Variants in CD2AP observed in about 807,000 individuals in gnomAD.
The protein encoded by CD2AP is CD2-associated protein.
In CD2AP, 46 loss-of-function variants were observed where a neutral mutation model predicts 85.1. The observed-to-expected ratio is 0.54, with a 90% CI of 0.43 to 0.69. The LOEUF (loss-of-function observed/expected upper bound fraction) is 0.69, where lower values mean the gene tolerates loss of function less well. Among genes scored for constraint, CD2AP ranks in the 30% least tolerant of loss-of-function variants. The pLI, the probability that CD2AP is intolerant of heterozygous loss-of-function variation, is 0.00. For synonymous variants in CD2AP, 255 were observed against 252.9 expected, an observed-to-expected ratio of 1.01 and a Z score of -0.08; for missense variants, 769 against 729.5, an observed-to-expected ratio of 1.05 and a Z score of -0.62.
intron 17 of CD2AP, among the ~76,000 whole-genome samples, chr6:47,622,730 G>C (rs1404492960): frequency 2.0e-5 from 3 of 152,186 alleles, no homozygotes; most frequent in Admixed American, 6.5e-5. Flanking sequence ...GCTTTCTTCA[G>C]AGGGTCTGTC....
chr6:47,609,129 G>C lies in CD2AP; in HGVS notation c.1639G>C (p.Val547Leu), dbSNP rs757930895. The change falls in exon 16 of 18, where the codon GTG becomes CTG. Residue 547 changes from valine (V) to leucine (L), a missense_variant. By Grantham distance (32) the Val-to-Leu change is conservative. Transcript: ENST00000359314. Reference sequence around the variant, plus strand: ...TTTTTTTTTACGTTTTCAGCCATCTGTGTACCTTTCAACACCTTCCAGTGC... The same window carrying C: ...TTTTTTTTTACGTTTTCAGCCATCTCTGTACCTTTCAACACCTTCCAGTGC... Reference protein sequence around the residue: ...KDTCYSPKPSVYLSTPSSASK... With the variant: ...KDTCYSPKPSLYLSTPSSASK... The C allele has an allele frequency of 1.9e-6, 3 of 1,611,026 alleles. No homozygotes were observed. The highest frequency in any genetic ancestry group is 2.5e-6 in the Non-Finnish European group (3 of 1,178,298).
chr6:47,526,276 G>A (rs1223832941), intron 2 of CD2AP, among the ~76,000 whole-genome samples: 1 of 152,134 alleles, frequency 6.6e-6, no homozygotes, highest in Non-Finnish European at 1.5e-5. Context: ...AGTAGTAAGG[G>A]ATTGTAGCTC....
rs531779694 is a variant in CD2AP at position 47,519,174 on chromosome 6, A to G, written c.166-14428A>G. On this transcript the variant is annotated intron_variant, in intron 2 of 17. Coordinates refer to ENST00000359314, the MANE Select transcript of CD2AP (RefSeq NM_012120.3). ...AGAATAAATGAATAAGATAAAGTTAATTTTTGATAGCCATAAGCACTTTGA... is the reference window on the plus strand; with the variant it reads ...AGAATAAATGAATAAGATAAAGTTAGTTTTTGATAGCCATAAGCACTTTGA... Among the ~76,000 whole-genome samples, 8 of 152,326 alleles carry G rather than the reference A, an allele frequency of 5.3e-5. No homozygotes were observed. The East Asian group carries it at 1.5e-3, about 29-fold the overall frequency.
intron 6 of CD2AP, among the ~76,000 whole-genome samples, chr6:47,574,609 A>C (rs1768252020): frequency 6.7e-6 from 1 of 149,236 alleles, no homozygotes; most frequent in African/African-American, 2.4e-5. Context: ...ATATATATTT[A>C]ATTTGAATTA....
At chr6:47,593,770 A>G (rs182793706) in intron 11 of CD2AP, among the ~76,000 whole-genome samples, 9 of 152,280 alleles carry the variant, frequency 5.9e-5, no homozygotes, top group African/African-American at 2.2e-4. Context: ...AAAGTTAAAC[A>G]TGGAATTACC....
At chr6:47,564,855 A>G (rs1746951977) in intron 5 of CD2AP, among the ~76,000 whole-genome samples, 1 of 41,938 alleles carries the variant, frequency 2.4e-5, no homozygotes, top group Admixed American at 3.0e-4. Context: ...TGTACATTAT[A>G]TAAGTGTTTT....
chr6:47,535,406 A>T (rs1367852283), intron 3 of CD2AP, among the ~76,000 whole-genome samples: 1 of 152,210 alleles, frequency 6.6e-6, no homozygotes, highest in Non-Finnish European at 1.5e-5. Flanking sequence ...AAGGCTATTA[A>T]TAATTTTTAT....
intron 2 of CD2AP, among the ~76,000 whole-genome samples, chr6:47,513,141 AC>A (rs1423392143): frequency 1.1e-5 from 1 of 91,030 alleles, no homozygotes; most frequent in Non-Finnish European, 2.5e-5. Context: ...GAATCTGAAT[AC>A]CTTTTTTTTT....
intron 17 of CD2AP, among the ~76,000 whole-genome samples, chr6:47,615,792 A>AATTTATTT (rs144113571): frequency 2.2e-4 from 26 of 117,402 alleles, no homozygotes; most frequent in South Asian, 1.6e-3. Context: ...AATTTAATTT[A>AATTTATTT]ATTTATTTAT....
chr6:47,478,295 C>T (rs2113951664), intron 1 of CD2AP, 47 bp downstream of exon 1: 6 of 1,562,670 alleles, frequency 3.8e-6, no homozygotes, highest in East Asian at 4.8e-5. Context: ...CCTTCCAGAC[C>T]CGGGGAGGCT....
At chr6:47,494,647 T>C (rs1582474052) in intron 1 of CD2AP, among the ~76,000 whole-genome samples, 1 of 152,192 alleles carries the variant, frequency 6.6e-6, no homozygotes. Flanking sequence ...GGCTCTTTAC[T>C]GTGAGAATCT....
chr6:47,538,135 T>A (rs1453633437), intron 3 of CD2AP, among the ~76,000 whole-genome samples: 1 of 152,200 alleles, frequency 6.6e-6, no homozygotes, highest in Non-Finnish European at 1.5e-5. Flanking sequence ...TTTCATTACA[T>A]GAAAATGATG....
At chr6:47,615,976 G>A (rs1474198935) in intron 17 of CD2AP, among the ~76,000 whole-genome samples, 1 of 151,036 alleles carries the variant, frequency 6.6e-6, no homozygotes, top group Non-Finnish European at 1.5e-5. Flanking sequence ...GTAGAGACGG[G>A]GTTTCACTGT....
intron 11 of CD2AP, among the ~76,000 whole-genome samples, chr6:47,585,662 C>T (rs530582293): frequency 2.8e-4 from 42 of 152,234 alleles, no homozygotes; most frequent in Non-Finnish European, 5.3e-4. Flanking sequence ...GGGAACTGCA[C>T]AGCGAGTACT....
In CD2AP at chr6:47,597,027, A is replaced by T. The variant is rs1562049752; in HGVS notation, c.1274+1001A>T. ...AGCTGGATATGTAAACAAAGATCAC[A>T]GGCAGGTTCTGGGAATTTTATTGGA... is the stretch of plus-strand genomic sequence containing the variant. On this transcript the variant is annotated intron_variant, in intron 12 of 17. Transcript: ENST00000359314. Among the ~76,000 whole-genome samples, 3 of 139,168 alleles carry T rather than the reference A, an allele frequency of 2.2e-5. No individual in the cohort carries two copies. In the South Asian group the frequency reaches 6.5e-4, roughly 30 times the overall value. 91.3% of individuals were successfully genotyped at this position (139,168 alleles called of 152,430 possible). A position where few individuals can be genotyped will look rare whatever the true frequency, so the allele number is the denominator to read the frequency against.
intron 6 of CD2AP, 75 bp downstream of exon 6, chr6:47,574,326 T>C: frequency 7.3e-7 from 1 of 1,361,802 alleles, no homozygotes; most frequent in Non-Finnish European, 1.0e-6. Context: ...AAAAGTCAGT[T>C]TGTAACTCTG....
intron 17 of CD2AP, among the ~76,000 whole-genome samples, chr6:47,617,808 A>T (rs1168093787): frequency 6.6e-6 from 1 of 152,180 alleles, no homozygotes. Context: ...ACAACTTACT[A>T]TATGAGGTGT....
At chr6:47,517,621 C>T (rs889864939) in intron 2 of CD2AP, among the ~76,000 whole-genome samples, 3 of 152,104 alleles carry the variant, frequency 2.0e-5, no homozygotes, top group Admixed American at 6.6e-5. Context: ...ATTACCCAGC[C>T]TCAGATACTT....
chr6:47,624,150 A>G, intron 17 of CD2AP, 36 bp from the exon 18 acceptor site: 1 of 1,519,008 alleles, frequency 6.6e-7, no homozygotes. Context: ...AACTAAGGAT[A>G]TTTTATGTTT....
Sources: allele counts gnomAD v4.1 joint callset (sites outside exome capture counted in the v4.1 genomes callset), GRCh38; gene constraint gnomAD v4.1.1; transcripts MANE v1.5; gene names NCBI Gene and HGNC (gene_info 2026-07-23, HGNC 2026-07-21).